PGF: variants seen among roughly 807,000 people sequenced by gnomAD.
PGF encodes the protein placental growth factor, also known as placenta growth factor.
A neutral mutation model predicts 25.3 loss-of-function variants in PGF; 11 were observed. The ratio of observed to expected loss-of-function variants is 0.43; its 90% CI spans 0.27 to 0.72. PGF has a LOEUF of 0.72. PGF is among the 30% of genes least tolerant of loss of function. The probability of loss-of-function intolerance (pLI) is 0.18; values close to 1 mark genes in which losing one functional copy is unlikely to be tolerated. For missense variants in PGF, 230 were observed against 234.9 expected, an observed-to-expected ratio of 0.98 and a Z score of 0.14; for synonymous variants, 105 against 97.9, an observed-to-expected ratio of 1.07 and a Z score of -0.43.
chr14:74,946,138 A>G, intron 6 of PGF, 75 bp downstream of exon 6: 1 of 1,421,064 alleles, frequency 7.0e-7, no homozygotes. Context: ...CCCCTCCCCA[A>G]CCTAACCCTG....
upstream of PGF, chr14:74,955,632 A>T (rs1888974383): frequency 6.0e-6 from 1 of 165,884 alleles, no homozygotes; most frequent in East Asian, 1.6e-4. The surrounding 1 kb of genome is among the most constrained non-coding windows in gnomAD (Gnocchi z 4.1). Context: ...GGTTTCAGGG[A>T]CTGAGCCGGG....
chr14:74,954,526 T>C (rs889508537), intron 1 of PGF, among the ~76,000 whole-genome samples: 6 of 151,990 alleles, frequency 3.9e-5, no homozygotes, highest in African/African-American at 1.2e-4. Context: ...GGGAAGGCAG[T>C]TCATTGGCTT....
intron 6 of PGF, chr14:74,944,586 C>T (rs1480118159): frequency 6.6e-6 from 1 of 151,798 alleles, no homozygotes; most frequent in Non-Finnish European, 1.5e-5. Flanking sequence ...TACTCTGTCA[C>T]CCAGGCTGAG....
chr14:74,944,681 G>A (rs1469419244), intron 6 of PGF: 1 of 151,610 alleles, frequency 6.6e-6, no homozygotes, highest in Non-Finnish European at 1.5e-5. Flanking sequence ...GAGTAGTTGG[G>A]ACTATAGGCA....
intron 4 of PGF, 52 bp downstream of exon 4, chr14:74,948,455 G>T: frequency 8.7e-7 from 1 of 1,155,264 alleles, no homozygotes; most frequent in Non-Finnish European, 1.3e-6. Context: ...TGCTGAGGCT[G>T]CCAAGAGGAC....
chr14:74,944,142 T>TTG (rs1566855588), intron 6 of PGF, among the ~76,000 whole-genome samples: 1 of 150,114 alleles, frequency 6.7e-6, no homozygotes, highest in Non-Finnish European at 1.5e-5. Flanking sequence ...TCTTGCTCTG[T>TTG]CCCAGGCTGG....
rs1268768679 is a variant in PGF, at chr14:74,951,374, ACCT to A, written c.119-1824_119-1822del. On this transcript the variant is annotated intron_variant, in intron 2 of 6. Coordinates refer to ENST00000555567, the MANE Select transcript of PGF (RefSeq NM_002632.6). The stretch of plus-strand genomic sequence containing the variant: ...CCTTTGCAATCCTGGGTCAGAGAGC[ACCT>A]CCCTATCACCAGCTCCTTGAGCTGT... 2.0e-5 allele frequency among the ~76,000 whole-genome samples: 3 copies of A among 152,244 alleles called. No individual in the cohort carries two copies. In the South Asian group the frequency reaches 6.2e-4, roughly 32 times the overall value.
At chr14:74,949,575 G>A (rs778206047) in intron 2 of PGF, 22 bp from the exon 3 acceptor site, 1 of 1,527,026 alleles carries the variant, frequency 6.5e-7, no homozygotes, top group South Asian at 1.3e-5. Flanking sequence ...CAAGGGGGCT[G>A]GGTCAGGCCA....
chr14:74,948,450 A>T (rs763329789), intron 4 of PGF, 57 bp downstream of exon 4: 231 of 1,090,760 alleles, frequency 2.1e-4, no homozygotes, highest in Non-Finnish European at 2.9e-4. Flanking sequence ...ATCTTTGCTG[A>T]GGCTGCCAAG....
At chr14:74,946,498 C>G (rs539821682) in intron 4 of PGF, 90 bp from the exon 5 acceptor site, 2 of 1,297,346 alleles carry the variant, frequency 1.5e-6, no homozygotes, top group African/African-American at 1.5e-5. Flanking sequence ...CCTCCGACAT[C>G]CCCAGTCCTG....
At chr14:74,946,485 T>TC (rs1888739525) in intron 4 of PGF, 77 bp from the exon 5 acceptor site, 1 of 1,429,278 alleles carries the variant, frequency 7.0e-7, no homozygotes, top group Admixed American at 2.0e-5. Flanking sequence ...CCCGGACAGG[T>TC]CCCCTCCGAC....
chr14:74,945,684 A>G (rs1228168709), intron 6 of PGF: 1 of 153,668 alleles, frequency 6.5e-6, no homozygotes, highest in East Asian at 1.9e-4. Flanking sequence ...TCTGCTGCCC[A>G]CAAGGTACGA....
At chr14:74,948,360 G>T in intron 4 of PGF, 147 bp downstream of exon 4, 2 of 527,360 alleles carry the variant, frequency 3.8e-6, no homozygotes, top group South Asian at 2.8e-5. Context: ...CCCTGGTCCT[G>T]CCCTCTTGGT....
intron 1 of PGF, 193 bp from the exon 2 acceptor site, chr14:74,954,139 T>C: frequency 1.7e-6 from 1 of 596,682 alleles, no homozygotes; most frequent in Non-Finnish European, 3.0e-6. Context: ...GTCCCACCCC[T>C]CTCTGGCCTC....
chr14:74,942,371 A>C lies in PGF; in HGVS notation c.*335T>G. 9.6e-6 allele frequency: 3 copies of C among 312,722 alleles called. No individual in the cohort carries two copies. The highest frequency in any genetic ancestry group is 1.8e-5 in the Non-Finnish European group (3 of 168,510). 19.4% of individuals were successfully genotyped at this position (312,722 alleles called of 1,614,324 possible). A position where few individuals can be genotyped will look rare whatever the true frequency, so the allele number is the denominator to read the frequency against. On this transcript the variant is annotated 3_prime_UTR_variant, in exon 7 of 7. Transcript: ENST00000555567. The stretch of plus-strand genomic sequence containing the variant: ...CAGAGCCTGAGGCCCAAGAACAGGT[A>C]GCAGGGCCCCCTTCTTTCCTTCTGC...
chr14:74,953,409 C>G lies in PGF; in HGVS notation c.118+495G>C, dbSNP rs1888916837. Reference sequence around the variant, plus strand: ...CAACCAGGGCGGGGAGTGGAGGGGCCAGGGAGGGCGCGACTATGTTCTGTC... The same window carrying G: ...CAACCAGGGCGGGGAGTGGAGGGGCGAGGGAGGGCGCGACTATGTTCTGTC... On this transcript the variant is annotated intron_variant, in intron 2 of 6. Transcript: ENST00000555567. This position sits in a 1 kb window ranked among gnomAD's most constrained non-coding sequence, Gnocchi z 5.4. Among the ~76,000 whole-genome samples, 1 of 152,154 alleles carries G rather than the reference C, an allele frequency of 6.6e-6. No homozygotes were observed. Among genetic ancestry groups the G allele is most frequent in the Non-Finnish European group, 1.5e-5 (1 of 68,020 alleles).
chr14:74,953,513 C>T lies in PGF; in HGVS notation c.118+391G>A, dbSNP rs1888919219. On this transcript the variant is annotated intron_variant, in intron 2 of 6. Transcript: ENST00000555567. This position sits in a 1 kb window ranked among gnomAD's most constrained non-coding sequence, Gnocchi z 5.4. ...GGGCTGCTGGGGAGGGCCCCTCACC[C>T]ATTCCTGATCCTCTTGACTGCCCAC... 6.6e-6 allele frequency among the ~76,000 whole-genome samples: 1 copy of T among 152,154 alleles called. No individual in the cohort carries two copies. Among genetic ancestry groups the T allele is most frequent in the East Asian group, 1.9e-4 (1 of 5,182 alleles).
intron 4 of PGF, 126 bp from the exon 5 acceptor site, chr14:74,946,534 TA>T: frequency 1.1e-6 from 1 of 870,448 alleles, no homozygotes; most frequent in East Asian, 2.6e-5. Context: ...CTGAGGCCAC[TA>T]GGGGGTAGCA....
Position 74,946,233 on chromosome 14 carries a change from C to A in PGF, c.465G>T (p.Gln155His). The A allele has an allele frequency of 6.2e-7, 1 of 1,614,156 alleles. No individual in the cohort carries two copies. The highest frequency in any genetic ancestry group is 8.5e-7 in the Non-Finnish European group (1 of 1,179,996). ...CTCACAGGTGGCAGTCTGTGGGTCT[C>A]TGCTTCTCTCTCCTCCTCTTCCCCC... ...KGRGKRRREK[Q>H]RPTDCHLCGD... The change falls in exon 6 of 7, where the codon CAG becomes CAT. Residue 155 changes from glutamine to histidine, a missense_variant. Transcript: ENST00000555567.
Sources: gnomAD v4.1 joint callset for allele counts (sites outside exome capture counted in the v4.1 genomes callset) on GRCh38, gnomAD v4.1.1 for gene constraint, Gnocchi (gnomAD v3.1) non-coding constraint, MANE v1.5 for transcripts, NCBI Gene and HGNC (gene_info 2026-07-23, HGNC 2026-07-21) for gene names.